The following CSMD1 variants were observed in gnomAD, a reference collection of about 807,000 sequenced individuals.
The protein encoded by CSMD1 is CUB and Sushi multiple domains 1.
CSMD1 carries 213 observed loss-of-function variants against 417.5 expected under a neutral mutation model. That is an observed-to-expected ratio of 0.51 (90% CI 0.46 to 0.57). The LOEUF (loss-of-function observed/expected upper bound fraction) is 0.57. Ranked by LOEUF, CSMD1 falls within the 20% of genes least tolerant of loss-of-function variation. The pLI, the probability that CSMD1 is intolerant of heterozygous loss-of-function variation, is 0.00. For synonymous variants in CSMD1, 2,862 were observed against 1,736.8 expected (o/e 1.65, Z -16.11); for missense variants, 6,923 against 4,529.7 (o/e 1.53, Z -15.17).
At chr8:2,982,688 T>C in intron 54 of CSMD1, among the ~76,000 whole-genome samples, 1 of 152,236 alleles carries the variant, frequency 6.6e-6, no homozygotes, top group Non-Finnish European at 1.5e-5. Context: ...ATGTGCTCAC[T>C]AACCAGTGTT....
chr8:3,697,465 G>C (rs955849282), intron 7 of CSMD1, among the ~76,000 whole-genome samples: 35 of 152,150 alleles, frequency 2.3e-4, no homozygotes, highest in Admixed American at 2.3e-3. Flanking sequence ...TGCTGACTTA[G>C]TTTGCTTGTG....
chr8:3,336,999 C>G (rs904012090), intron 23 of CSMD1, among the ~76,000 whole-genome samples: 1 of 152,156 alleles, frequency 6.6e-6, no homozygotes, highest in African/African-American at 2.4e-5. Flanking sequence ...TAGACAGGAG[C>G]TGTGCCTGAG....
chr8:4,045,769 T>G (rs1331695496), intron 3 of CSMD1, among the ~76,000 whole-genome samples: 1 of 152,164 alleles, frequency 6.6e-6, no homozygotes, highest in Non-Finnish European at 1.5e-5. Context: ...AAAGACTAAA[T>G]TACACACTTT....
At chr8:4,448,521 C>A (rs377421709) in intron 2 of CSMD1, among the ~76,000 whole-genome samples, 2 of 152,292 alleles carry the variant, frequency 1.3e-5, no homozygotes, top group East Asian at 3.9e-4. Context: ...CAGATTAGTA[C>A]ATAAGTTTAC....
At chr8:4,970,867 G>A (rs757893411) in intron 1 of CSMD1, among the ~76,000 whole-genome samples, 68 of 152,086 alleles carry the variant, frequency 4.5e-4, no homozygotes, top group Middle Eastern at 3.4e-3. Flanking sequence ...AATTTTTTCA[G>A]TATTTTATTA....
At chr8:3,377,748 G>C (rs1810399996) in intron 18 of CSMD1, among the ~76,000 whole-genome samples, 1 of 149,010 alleles carries the variant, frequency 6.7e-6, no homozygotes, top group African/African-American at 2.6e-5. Context: ...TACCCAAAAC[G>C]GAAACACCAG....
At chr8:3,730,370 A>ATTTT (rs374243053) in intron 6 of CSMD1, among the ~76,000 whole-genome samples, 57,869 of 131,532 alleles carry the variant, frequency 0.44, 13,938 homozygotes, top group East Asian at 0.61. Flanking sequence ...TTAAGGAGCG[A>ATTTT]TTTTTTTTTT....
intron 2 of CSMD1, among the ~76,000 whole-genome samples, chr8:4,519,824 T>C (rs949236272): frequency 2.2e-5 from 3 of 133,410 alleles, no homozygotes; most frequent in Admixed American, 7.8e-5. Context: ...TGAAAGAGGA[T>C]ATGGCTGAGC....
At chr8:4,415,437 T>A (rs1196877276) in intron 3 of CSMD1, among the ~76,000 whole-genome samples, 1 of 151,334 alleles carries the variant, frequency 6.6e-6, no homozygotes, top group African/African-American at 2.4e-5. Context: ...CGTGCTTTAA[T>A]AACACGCTCT....
chr8:3,488,273 T>C (rs1818173996), intron 11 of CSMD1, among the ~76,000 whole-genome samples: 1 of 151,928 alleles, frequency 6.6e-6, no homozygotes, highest in Non-Finnish European at 1.5e-5. Context: ...CGGCTAATTT[T>C]TGTCTTTGTT....
intron 25 of CSMD1, among the ~76,000 whole-genome samples, chr8:3,295,617 T>A (rs62504373): frequency 0.17 from 26,277 of 152,274 alleles, 2,854 homozygotes; most frequent in Non-Finnish European, 0.25. Context: ...AGGATCTTTC[T>A]AGGCCAGCAT....
chr8:3,684,393 T>A (rs531783700), intron 7 of CSMD1, among the ~76,000 whole-genome samples: 2 of 148,186 alleles, frequency 1.3e-5, no homozygotes, highest in Non-Finnish European at 3.0e-5. Flanking sequence ...GTATAACATA[T>A]AAGTACATAT....
At chr8:3,846,814 C>CAGGT (rs1326324833) in intron 5 of CSMD1, among the ~76,000 whole-genome samples, 1 of 152,062 alleles carries the variant, frequency 6.6e-6, no homozygotes, top group Non-Finnish European at 1.5e-5. Flanking sequence ...GCTGGGATTA[C>CAGGT]AGGTGCCTGC....
intron 32 of CSMD1, among the ~76,000 whole-genome samples, chr8:3,200,474 G>A (rs1473992141): frequency 3.9e-5 from 6 of 151,914 alleles, no homozygotes; most frequent in Non-Finnish European, 8.8e-5. Flanking sequence ...AGAATCGCTT[G>A]AACCTGGGAG....
intron 2 of CSMD1, among the ~76,000 whole-genome samples, chr8:4,594,806 T>C (rs75633924): frequency 0.097 from 14,696 of 152,198 alleles, 1,657 homozygotes; most frequent in African/African-American, 0.28. Flanking sequence ...ATATTTCTGA[T>C]GTTACCCCCA....
At chr8:3,467,684 G>T (rs1342652699) in intron 12 of CSMD1, among the ~76,000 whole-genome samples, 2 of 152,114 alleles carry the variant, frequency 1.3e-5, no homozygotes, top group African/African-American at 4.8e-5. Context: ...TTAATATTGT[G>T]ACCCTTTATC....
chr8:4,698,455 G>C (rs569724175), intron 1 of CSMD1, among the ~76,000 whole-genome samples: 1 of 152,100 alleles, frequency 6.6e-6, no homozygotes, highest in African/African-American at 2.4e-5. Flanking sequence ...AAACTTTCAT[G>C]CTTATGTTCT....
intron 3 of CSMD1, among the ~76,000 whole-genome samples, chr8:4,151,284 T>C (rs1796558163): frequency 1.3e-5 from 2 of 152,228 alleles, no homozygotes; most frequent in Admixed American, 6.5e-5. Flanking sequence ...ACCATGCATG[T>C]GTAAATCATT....
Position 3,512,484 on chromosome 8 carries a change from G to A in CSMD1, c.1345-18758C>T, listed in dbSNP as rs534691164. On this transcript the variant is annotated intron_variant, in intron 10 of 69. Coordinates refer to ENST00000635120, the MANE Select transcript of CSMD1 (RefSeq NM_033225.6). ...ATGACACCTAAGGATGCTGTAAGAG[G>A]CACTGAAAGAATGACCACATGAACG... is the stretch of plus-strand genomic sequence containing the variant. Among the ~76,000 whole-genome samples, 10 of 152,144 alleles carry A rather than the reference G, an allele frequency of 6.6e-5. 1 individual carries two copies. The South Asian group carries it at 2.1e-3, about 32-fold the overall frequency.
Sources: gnomAD v4.1 joint callset for allele counts (sites outside exome capture counted in the v4.1 genomes callset) on GRCh38, gnomAD v4.1.1 for gene constraint, MANE v1.5 for transcripts, NCBI Gene and HGNC (gene_info 2026-07-23, HGNC 2026-07-21) for gene names.